The following HYCC1 variants were observed in gnomAD, a reference collection of about 807,000 sequenced individuals.
The protein encoded by HYCC1 is hyccin PI4KA lipid kinase complex subunit 1.
chr7:23,003,821 G>A, the HYCC1 span, among the ~76,000 whole-genome samples: 1 of 152,184 alleles, frequency 6.6e-6, no homozygotes. Context: ...GAAGTGCAAT[G>A]AGAAAATGTA....
At chr7:23,006,756 G>A in the HYCC1 span, among the ~76,000 whole-genome samples, 1 of 152,252 alleles carries the variant, frequency 6.6e-6, no homozygotes, top group East Asian at 1.9e-4. Flanking sequence ...ATATGAGAAA[G>A]CAACTAATGT....
the HYCC1 span, among the ~76,000 whole-genome samples, chr7:22,930,150 C>T: frequency 7.8e-6 from 1 of 127,550 alleles, no homozygotes; most frequent in Non-Finnish European, 1.5e-5. Flanking sequence ...AAAGAGAACA[C>T]ATGGACACAG....
the HYCC1 span, among the ~76,000 whole-genome samples, chr7:22,904,430 CA>C: frequency 0.65 from 86,047 of 132,052 alleles, 26,523 homozygotes; most frequent in Admixed American, 0.67. Context: ...GACTCTGTCT[CA>C]AAAAAAAAAA....
At chr7:22,997,137 T>G in the HYCC1 span, among the ~76,000 whole-genome samples, 2 of 152,160 alleles carry the variant, frequency 1.3e-5, no homozygotes, top group African/African-American at 4.8e-5. Flanking sequence ...GTCAAATGTC[T>G]TATTCTTCAA....
chr7:22,937,786 C>A, the HYCC1 span: 1 of 152,048 alleles, frequency 6.6e-6, no homozygotes, highest in Admixed American at 6.6e-5. Flanking sequence ...AGTCACAGCA[C>A]AATGTGATGT....
At chr7:22,937,109 G>C in the HYCC1 span, 1 of 152,112 alleles carries the variant, frequency 6.6e-6, no homozygotes, top group East Asian at 1.9e-4. Flanking sequence ...TCTTCCAGAG[G>C]GTTTCATTTC....
At chr7:22,937,603 A>G in the HYCC1 span, 2 of 152,176 alleles carry the variant, frequency 1.3e-5, no homozygotes, top group African/African-American at 4.8e-5. Flanking sequence ...AGTTTCAAAG[A>G]CTTCTATTGA....
At chr7:22,904,808 G>C in the HYCC1 span, among the ~76,000 whole-genome samples, 31 of 151,258 alleles carry the variant, frequency 2.0e-4, no homozygotes, top group African/African-American at 7.0e-4. Context: ...GACAGGTGTG[G>C]TGGTATGCAC....
chr7:22,934,077 CT>C, the HYCC1 span: 1 of 152,022 alleles, frequency 6.6e-6, no homozygotes, highest in Admixed American at 6.6e-5. Context: ...AAATGAGATC[CT>C]GGGATATGTA....
chr7:22,945,917 GCTCT>G, the HYCC1 span: 2 of 1,613,814 alleles, frequency 1.2e-6, no homozygotes, highest in Non-Finnish European at 1.7e-6. Flanking sequence ...CTCACTTTGG[GCTCT>G]CTGAGTTTGT....
the HYCC1 span, among the ~76,000 whole-genome samples, chr7:22,987,571 A>G: frequency 6.6e-6 from 1 of 152,156 alleles, no homozygotes; most frequent in Non-Finnish European, 1.5e-5. Flanking sequence ...AGAAAATACT[A>G]ATGAGAGTCC....
chr7:22,979,522 G>C, the HYCC1 span, among the ~76,000 whole-genome samples: 1 of 152,154 alleles, frequency 6.6e-6, no homozygotes, highest in South Asian at 2.1e-4. Flanking sequence ...ATTTGGAATG[G>C]GGATAGAGGT....
chr7:22,912,872 C>T, the HYCC1 span, among the ~76,000 whole-genome samples: 3,257 of 152,282 alleles, frequency 0.021, 70 homozygotes, highest in East Asian at 0.11. Context: ...GTGGCTCACA[C>T]CTGTAATCCC....
chr7:22,928,921 T>C, the HYCC1 span, among the ~76,000 whole-genome samples: 87,395 of 151,472 alleles, frequency 0.58, 25,176 homozygotes, highest in African/African-American at 0.61. Context: ...GGAGGCATCA[T>C]GCTACCTGAC....
At chr7:22,981,022 A>C in the HYCC1 span, among the ~76,000 whole-genome samples, 5 of 151,780 alleles carry the variant, frequency 3.3e-5, no homozygotes, top group African/African-American at 7.3e-5. Flanking sequence ...TTCCACCCCA[A>C]CTCCTAATTC....
the HYCC1 span, among the ~76,000 whole-genome samples, chr7:22,925,558 A>C: frequency 6.6e-6 from 1 of 152,222 alleles, no homozygotes. Context: ...TAACCAATGA[A>C]ATGAACTGGA....
At chr7:22,985,377 C>G in the HYCC1 span, among the ~76,000 whole-genome samples, 1 of 152,134 alleles carries the variant, frequency 6.6e-6, no homozygotes, top group Non-Finnish European at 1.5e-5. Context: ...TCACCACAGG[C>G]CCTCATACGC....
chr7:22,953,708 T>G, the HYCC1 span, among the ~76,000 whole-genome samples: 1 of 151,800 alleles, frequency 6.6e-6, no homozygotes, highest in Admixed American at 6.6e-5. Context: ...CCATGGAAGT[T>G]CCACATTGAA....
the HYCC1 span, among the ~76,000 whole-genome samples, chr7:22,930,656 A>G: frequency 1.3e-5 from 2 of 152,096 alleles, no homozygotes; most frequent in Non-Finnish European, 2.9e-5. Flanking sequence ...AAAAAACATC[A>G]TAAGAAAATA....
Sources: gnomAD v4.1 joint callset for allele counts (sites outside exome capture counted in the v4.1 genomes callset) on GRCh38, gnomAD v4.1.1 for gene constraint, MANE v1.5 for transcripts, NCBI Gene and HGNC (gene_info 2026-07-23, HGNC 2026-07-21) for gene names.